SPATA17: variants seen among roughly 807,000 people sequenced by gnomAD.
SPATA17 encodes the protein spermatogenesis associated 17.
In SPATA17, 53 loss-of-function variants were observed where a neutral mutation model predicts 62.2. That is an observed-to-expected ratio of 0.85 (90% CI 0.68 to 1.07). The LOEUF (loss-of-function observed/expected upper bound fraction) is 1.07. Among genes scored for constraint, SPATA17 ranks in the 50% least tolerant of loss-of-function variants. The pLI, the probability that SPATA17 is intolerant of heterozygous loss-of-function variation, is 0.00. For synonymous variants in SPATA17, 146 were observed against 146.8 expected, an observed-to-expected ratio of 0.99 and a Z score of 0.04; for missense variants, 466 against 425.5, an observed-to-expected ratio of 1.10 and a Z score of -0.84.
At position 217,763,648 on chromosome 1, in the gene SPATA17, G is replaced by A. The variant is rs188561560; in HGVS notation, c.520-10686G>A. On this transcript the variant is annotated intron_variant, in intron 6 of 10. Transcript: ENST00000366933. ...TTACTTGGACTTCCTTGCAGATGGG[G>A]GTAAGCACAGCAGATGGAGAGAACC... 4.4e-4 allele frequency among the ~76,000 whole-genome samples: 67 copies of A among 152,278 alleles called. 1 individual carries two copies. Among genetic ancestry groups the A allele is most frequent in the African/African-American group, 1.6e-3 (67 of 41,560 alleles).
intron 7 of SPATA17, 134 bp downstream of exon 7, chr1:217,774,671 G>A (rs1673545233): frequency 6.9e-6 from 5 of 722,770 alleles, no homozygotes; most frequent in Non-Finnish European, 1.1e-5. Context: ...TCATATTTTT[G>A]TGCAATCAGC....
At chr1:217,833,224 A>G (rs1372317390) in intron 9 of SPATA17, among the ~76,000 whole-genome samples, 1 of 152,166 alleles carries the variant, frequency 6.6e-6, no homozygotes, top group Admixed American at 6.6e-5. Flanking sequence ...TCGGCTATAC[A>G]TGTTGTCTGC....
At position 217,740,313 on chromosome 1, in the gene SPATA17, T is replaced by C. The variant is rs1181085702; in HGVS notation, c.396-1662T>C. Among the ~76,000 whole-genome samples, 3 of 152,122 alleles carry C rather than the reference T, an allele frequency of 2.0e-5. No homozygotes were observed. In the East Asian group the frequency reaches 5.8e-4, roughly 30 times the overall value. On this transcript the variant is annotated intron_variant, in intron 5 of 10. Transcript: ENST00000366933. ...TTGGATACATGCATTTCTGAGTAATTATCTTTATAGTGGTAGTTCTCTGGT... is the reference window on the plus strand; with the variant it reads ...TTGGATACATGCATTTCTGAGTAATCATCTTTATAGTGGTAGTTCTCTGGT...
At chr1:217,834,302 G>GTT (rs564510693) in intron 9 of SPATA17, among the ~76,000 whole-genome samples, 19 of 152,154 alleles carry the variant, frequency 1.2e-4, no homozygotes, top group African/African-American at 4.3e-4. Flanking sequence ...AATTTTTATT[G>GTT]TTATTTTAGC....
intron 9 of SPATA17, among the ~76,000 whole-genome samples, chr1:217,836,558 A>G (rs1675263727): frequency 6.6e-6 from 1 of 152,112 alleles, no homozygotes; most frequent in Admixed American, 6.6e-5. Flanking sequence ...AAGAAGTACT[A>G]TGTCCACTGT....
At chr1:217,791,022 G>C (rs1364733616) in intron 8 of SPATA17, among the ~76,000 whole-genome samples, 1 of 152,112 alleles carries the variant, frequency 6.6e-6, no homozygotes, top group Non-Finnish European at 1.5e-5. Flanking sequence ...TATTATGATA[G>C]AGATTATCAT....
intron 6 of SPATA17, among the ~76,000 whole-genome samples, chr1:217,765,848 A>T (rs1222367913): frequency 6.6e-6 from 1 of 152,072 alleles, no homozygotes; most frequent in African/African-American, 2.4e-5. Flanking sequence ...GTTGCTAGGC[A>T]TATACACTTT....
chr1:217,849,737 G>C (rs1295091825), intron 9 of SPATA17, among the ~76,000 whole-genome samples: 1 of 152,076 alleles, frequency 6.6e-6, no homozygotes, highest in Non-Finnish European at 1.5e-5. Context: ...TCCTGAACCT[G>C]AGGGGAGGAG....
chr1:217,709,597 C>T (rs1024242798), intron 5 of SPATA17, among the ~76,000 whole-genome samples: 4 of 152,156 alleles, frequency 2.6e-5, no homozygotes, highest in African/African-American at 4.8e-5. Flanking sequence ...GACATCCCAT[C>T]GCTTTTGCTA....
chr1:217,672,313 G>A (rs1219665065), intron 4 of SPATA17, among the ~76,000 whole-genome samples: 2 of 152,158 alleles, frequency 1.3e-5, no homozygotes, highest in Non-Finnish European at 2.9e-5. Context: ...TGAATGGCGA[G>A]TGTTCAAAAG....
At chr1:217,670,195 C>T (rs1276087267) in intron 4 of SPATA17, among the ~76,000 whole-genome samples, 1 of 152,156 alleles carries the variant, frequency 6.6e-6, no homozygotes, top group African/African-American at 2.4e-5. Context: ...GAGACTAAAA[C>T]ACCATTGATT....
intron 5 of SPATA17, among the ~76,000 whole-genome samples, chr1:217,723,672 C>G (rs1672193228): frequency 6.6e-6 from 1 of 152,160 alleles, no homozygotes. Flanking sequence ...GGAAGTCTAT[C>G]TAATAAATCT....
At chr1:217,799,500 A>G (rs997500686) in intron 8 of SPATA17, among the ~76,000 whole-genome samples, 2 of 152,178 alleles carry the variant, frequency 1.3e-5, no homozygotes, top group Non-Finnish European at 2.9e-5. Context: ...CACTGGAAGG[A>G]CCATAATCTA....
intron 3 of SPATA17, among the ~76,000 whole-genome samples, chr1:217,667,058 T>G (rs1479596521): frequency 6.8e-6 from 1 of 146,000 alleles, no homozygotes; most frequent in Non-Finnish European, 1.5e-5. Context: ...CTTTTTTTTT[T>G]TTTTTTTGTG....
At chr1:217,702,447 A>T (rs1449430592) in intron 5 of SPATA17, among the ~76,000 whole-genome samples, 2 of 152,174 alleles carry the variant, frequency 1.3e-5, no homozygotes. Flanking sequence ...TAACTCTCAA[A>T]TTTTAACATA....
At chr1:217,786,750 T>TTCTTCTTCTTC (rs1553252152) in intron 8 of SPATA17, among the ~76,000 whole-genome samples, 102 of 107,550 alleles carry the variant, frequency 9.5e-4, no homozygotes, top group East Asian at 1.6e-3. Context: ...TGATATTCTC[T>TTCTTCTTCTTC]TTCTTCTTCT....
chr1:217,703,698 G>A (rs964221587), intron 5 of SPATA17, among the ~76,000 whole-genome samples: 1 of 152,060 alleles, frequency 6.6e-6, no homozygotes, highest in Non-Finnish European at 1.5e-5. Flanking sequence ...AGGAATTCAT[G>A]TTTAGGAAAA....
chr1:217,846,466 T>TA (rs1248655094), intron 9 of SPATA17, among the ~76,000 whole-genome samples: 2 of 152,068 alleles, frequency 1.3e-5, no homozygotes, highest in African/African-American at 4.8e-5. Context: ...TAAAATTAGA[T>TA]AAAATCAAGA....
chr1:217,653,828 A>G (rs750069304), intron 3 of SPATA17, among the ~76,000 whole-genome samples: 1 of 152,168 alleles, frequency 6.6e-6, no homozygotes, highest in Non-Finnish European at 1.5e-5. Context: ...CGAAAAACCC[A>G]TATTTTCTAT....
Sources: gnomAD v4.1 joint callset for allele counts (sites outside exome capture counted in the v4.1 genomes callset) on GRCh38, gnomAD v4.1.1 for gene constraint, MANE v1.5 for transcripts, NCBI Gene and HGNC (gene_info 2026-07-23, HGNC 2026-07-21) for gene names.